Variants in TRAPPC9 observed in about 807,000 individuals in gnomAD.
The protein encoded by TRAPPC9 is trafficking protein particle complex subunit 9.
Under a neutral mutation model 124.0 loss-of-function variants are expected in TRAPPC9, and 83 were observed. The observed-to-expected ratio is 0.67, with a 90% CI of 0.56 to 0.80. TRAPPC9 has a LOEUF of 0.80. TRAPPC9 is among the 30% of genes least tolerant of loss of function. The pLI, the probability that TRAPPC9 is intolerant of heterozygous loss-of-function variation, is 0.00. For missense variants in TRAPPC9, 1,302 were observed against 1,508.3 expected (o/e 0.86, Z 2.27); for synonymous variants, 638 against 617.5 (o/e 1.03, Z -0.49).
chr8:140,305,603 A>G (rs1372585566), intron 10 of TRAPPC9, among the ~76,000 whole-genome samples: 1 of 152,174 alleles, frequency 6.6e-6, no homozygotes, highest in African/African-American at 2.4e-5. Context: ...TGCCAGACCC[A>G]GGAATTTTTT....
At chr8:139,958,021 A>G (rs1049419959) in intron 19 of TRAPPC9, among the ~76,000 whole-genome samples, 2 of 152,240 alleles carry the variant, frequency 1.3e-5, no homozygotes, top group African/African-American at 4.8e-5. Context: ...TGACTGGCCC[A>G]CAAACAGACT....
At chr8:139,765,417 C>T (rs1180944891) in intron 21 of TRAPPC9, among the ~76,000 whole-genome samples, 2 of 152,236 alleles carry the variant, frequency 1.3e-5, no homozygotes, top group African/African-American at 4.8e-5. Context: ...TAGTCCAAAG[C>T]TTTCATCCAA....
chr8:140,298,818 A>C (rs1389800895), intron 11 of TRAPPC9, among the ~76,000 whole-genome samples: 1 of 152,224 alleles, frequency 6.6e-6, no homozygotes, highest in Non-Finnish European at 1.5e-5. Flanking sequence ...CCCCGTCAAC[A>C]AAATCTATAA....
At chr8:140,155,853 G>GAAA (rs2061619370) in intron 17 of TRAPPC9, among the ~76,000 whole-genome samples, 1 of 152,122 alleles carries the variant, frequency 6.6e-6, no homozygotes, top group Non-Finnish European at 1.5e-5. Context: ...CTTTTTCAAA[G>GAAA]ACACTTGCAA....
chr8:140,176,675 G>C (rs1277001505), intron 17 of TRAPPC9, among the ~76,000 whole-genome samples: 4 of 152,128 alleles, frequency 2.6e-5, no homozygotes, highest in African/African-American at 9.7e-5. Context: ...AGGTACATAG[G>C]GGAGAAGAGG....
intron 16 of TRAPPC9, among the ~76,000 whole-genome samples, chr8:140,229,910 G>A (rs537381784): frequency 4.6e-5 from 7 of 152,246 alleles, no homozygotes; most frequent in African/African-American, 1.7e-4. Context: ...AACGTACAAA[G>A]CAACATCACA....
intron 17 of TRAPPC9, among the ~76,000 whole-genome samples, chr8:140,033,688 TTTTTTTTTTTTG>T (rs1840692228): frequency 1.7e-5 from 2 of 115,080 alleles, no homozygotes; most frequent in African/African-American, 8.1e-5. Context: ...TTTTTTTTTT[TTTTTTTTTTTTG>T]AGACAGAGTC....
rs554283465 is a variant in TRAPPC9, at chr8:139,757,666, C to T, written c.3056-25464G>A. On this transcript the variant is annotated intron_variant, in intron 21 of 22. Coordinates refer to ENST00000438773, the MANE Select transcript of TRAPPC9 (RefSeq NM_001160372.4). ...CTGTCAGTGCCATCTAGAGGGAGTC[C>T]CCCCAGCCCAGGCATCATTCACTTC... 3.3e-5 allele frequency among the ~76,000 whole-genome samples: 5 copies of T among 152,108 alleles called. No individual in the cohort carries two copies. The East Asian group carries it at 9.7e-4, about 29-fold the overall frequency.
chr8:140,298,489 C>CA (rs1330015333), intron 11 of TRAPPC9, among the ~76,000 whole-genome samples: 2 of 152,024 alleles, frequency 1.3e-5, no homozygotes, highest in Non-Finnish European at 2.9e-5. Flanking sequence ...TCCGTCTCTA[C>CA]AAAAAATACA....
At chr8:140,028,892 A>G (rs1840322552) in intron 17 of TRAPPC9, among the ~76,000 whole-genome samples, 1 of 152,224 alleles carries the variant, frequency 6.6e-6, no homozygotes, top group Admixed American at 6.5e-5. Flanking sequence ...TTAGACAATT[A>G]TCAATTGAAA....
chr8:140,133,887 GA>G (rs921321404), intron 17 of TRAPPC9, among the ~76,000 whole-genome samples: 17 of 146,134 alleles, frequency 1.2e-4, no homozygotes, highest in South Asian at 2.2e-4. Context: ...AACATTGCTT[GA>G]AAAAAAAAAG....
intron 15 of TRAPPC9, among the ~76,000 whole-genome samples, chr8:140,273,592 T>C (rs1278740183): frequency 6.6e-6 from 1 of 152,204 alleles, no homozygotes; most frequent in Non-Finnish European, 1.5e-5. Context: ...CTCCCCTTTC[T>C]TGGCCAAAGG....
In TRAPPC9 at chr8:139,996,940, T is replaced by C. The variant is rs557245254; in HGVS notation, c.2700-8104A>G. Among the ~76,000 whole-genome samples, 4 of 152,264 alleles carry C rather than the reference T, an allele frequency of 2.6e-5. No homozygotes were observed. The East Asian group carries it at 7.7e-4, about 29-fold the overall frequency. ...TATGGTATTTTTAGTAGACACGGGA[T>C]TTTGCCACGTTGGCCAGGCTGGTCT... On this transcript the variant is annotated intron_variant, in intron 18 of 22. Coordinates refer to ENST00000438773, the MANE Select transcript of TRAPPC9 (RefSeq NM_001160372.4).
chr8:140,308,388 C>T (rs1055970318), intron 10 of TRAPPC9, among the ~76,000 whole-genome samples: 7 of 151,070 alleles, frequency 4.6e-5, no homozygotes, highest in African/African-American at 1.5e-4. Context: ...TTCATTTGAC[C>T]GGTCGTACTG....
chr8:140,037,754 A>C (rs1840994167), intron 17 of TRAPPC9, among the ~76,000 whole-genome samples: 3 of 148,674 alleles, frequency 2.0e-5, no homozygotes, highest in Admixed American at 6.7e-5. Context: ...CACACACCCC[A>C]CACACACACC....
intron 21 of TRAPPC9, among the ~76,000 whole-genome samples, chr8:139,875,802 A>AG (rs1475083129): frequency 6.6e-6 from 1 of 152,240 alleles, no homozygotes; most frequent in African/African-American, 2.4e-5. Context: ...CAGTGGGCGG[A>AG]GGCTCCTCCA....
At chr8:139,954,559 C>G (rs989305675) in intron 19 of TRAPPC9, among the ~76,000 whole-genome samples, 21 of 152,294 alleles carry the variant, frequency 1.4e-4, no homozygotes, top group African/African-American at 4.1e-4. Context: ...GTTACGGCAG[C>G]CCCAGCAGAC....
intron 15 of TRAPPC9, among the ~76,000 whole-genome samples, chr8:140,274,082 C>G (rs1401235224): frequency 6.6e-6 from 1 of 152,140 alleles, no homozygotes; most frequent in Admixed American, 6.5e-5. Flanking sequence ...TCCTCAGGGA[C>G]AAGGGAGCAA....
chr8:139,835,058 T>G (rs1826244126), intron 21 of TRAPPC9, among the ~76,000 whole-genome samples: 1 of 152,016 alleles, frequency 6.6e-6, no homozygotes. Flanking sequence ...CCCCATGGAG[T>G]GGGCATCAGA....
Sources: allele counts gnomAD v4.1 joint callset (sites outside exome capture counted in the v4.1 genomes callset), GRCh38; gene constraint gnomAD v4.1.1; transcripts MANE v1.5; gene names NCBI Gene and HGNC (gene_info 2026-07-23, HGNC 2026-07-21).